The following PID1 variants were observed in gnomAD, a reference collection of about 807,000 sequenced individuals.
PID1 encodes the protein phosphotyrosine interaction domain containing 1.
In PID1, 10 loss-of-function variants were observed where a neutral mutation model predicts 19.1. The observed-to-expected ratio is 0.52, with a 90% CI of 0.32 to 0.89. PID1 has a LOEUF of 0.89. Ranked by LOEUF, PID1 falls within the 40% of genes least tolerant of loss-of-function variation. The probability of loss-of-function intolerance (pLI) is 0.03; values close to 1 mark genes in which losing one functional copy is unlikely to be tolerated. For missense variants in PID1, 248 were observed against 285.3 expected, an observed-to-expected ratio of 0.87 and a Z score of 0.94; for synonymous variants, 130 against 116.0, an observed-to-expected ratio of 1.12 and a Z score of -0.78.
chr2:229,155,200 C>T (rs1690340084), intron 2 of PID1, among the ~76,000 whole-genome samples: 1 of 152,072 alleles, frequency 6.6e-6, no homozygotes, highest in Non-Finnish European at 1.5e-5. Context: ...CAAAACTTTT[C>T]TTGTGAACTC....
chr2:229,083,823 A>C lies in PID1; in HGVS notation c.178-57715T>G, dbSNP rs559530231. On this transcript the variant is annotated intron_variant, in intron 2 of 2. Coordinates refer to ENST00000392055, the MANE Select transcript of PID1 (RefSeq NM_001100818.2). ...TATAACACCCTTGGTCACGTGCAAT[A>C]GCTCAAAACAGCCAACGCCACAAGA... Among the ~76,000 whole-genome samples the C allele has an allele frequency of 1.3e-3, 194 of 152,330 alleles. 2 individuals are homozygous for C. Among genetic ancestry groups the C allele is most frequent in the African/African-American group, 4.5e-3 (186 of 41,570 alleles).
intron 2 of PID1, among the ~76,000 whole-genome samples, chr2:229,063,182 T>A (rs562845452): frequency 1.3e-5 from 2 of 152,228 alleles, no homozygotes; most frequent in South Asian, 4.1e-4. Flanking sequence ...AGTTTGTTCT[T>A]CTTTTTCTAG....
At chr2:229,262,542 G>A in intron 1 of PID1, 8 of 1,281,100 alleles carry the variant, frequency 6.2e-6, no homozygotes, top group Non-Finnish European at 8.2e-6. Context: ...TGAAAGTTGG[G>A]GATACCTACA....
At chr2:229,223,371 T>C (rs547821826) in intron 1 of PID1, among the ~76,000 whole-genome samples, 100 of 152,266 alleles carry the variant, frequency 6.6e-4, no homozygotes, top group Non-Finnish European at 1.2e-3. Context: ...TGTTTATTCA[T>C]ATCCTTTTGT....
chr2:229,101,176 A>T (rs1695065701), intron 2 of PID1, among the ~76,000 whole-genome samples: 1 of 152,246 alleles, frequency 6.6e-6, no homozygotes, highest in Non-Finnish European at 1.5e-5. Flanking sequence ...GTGTCAGGAC[A>T]GAGTGGCAAA....
At chr2:229,047,761 C>T (rs775840892) in intron 2 of PID1, among the ~76,000 whole-genome samples, 30 of 152,222 alleles carry the variant, frequency 2.0e-4, no homozygotes, top group East Asian at 1.9e-4. Flanking sequence ...ACAGGCAGTT[C>T]GGAATCAAAG....
intron 1 of PID1, among the ~76,000 whole-genome samples, chr2:229,188,393 G>A (rs1314297260): frequency 6.6e-6 from 1 of 152,054 alleles, no homozygotes; most frequent in Non-Finnish European, 1.5e-5. Flanking sequence ...GAAAGGGGAA[G>A]AGAGTGACTG....
chr2:229,039,162 T>C (rs1167463683), intron 2 of PID1, among the ~76,000 whole-genome samples: 1 of 152,216 alleles, frequency 6.6e-6, no homozygotes, highest in Non-Finnish European at 1.5e-5. Context: ...CATTCTGTTT[T>C]GCTTGTGCTT....
chr2:229,097,345 A>T (rs1410136419), intron 2 of PID1, among the ~76,000 whole-genome samples: 1 of 152,222 alleles, frequency 6.6e-6, no homozygotes, highest in African/African-American at 2.4e-5. Context: ...ACTAGATATA[A>T]ATCAGGGTCC....
chr2:229,040,526 A>G (rs1693751618), intron 2 of PID1, among the ~76,000 whole-genome samples: 1 of 152,178 alleles, frequency 6.6e-6, no homozygotes, highest in South Asian at 2.1e-4. Flanking sequence ...AAGAAGTGAT[A>G]CTTCTTTAAC....
intron 1 of PID1, among the ~76,000 whole-genome samples, chr2:229,245,569 G>A (rs1689980223): frequency 6.6e-6 from 1 of 152,158 alleles, no homozygotes; most frequent in Non-Finnish European, 1.5e-5. Context: ...AAATTACAGT[G>A]CTGCTTACCA....
intron 1 of PID1, among the ~76,000 whole-genome samples, chr2:229,256,433 G>T (rs1328881728): frequency 2.0e-5 from 3 of 152,186 alleles, no homozygotes; most frequent in Non-Finnish European, 2.9e-5. Flanking sequence ...ACCTAAAGGA[G>T]TTCAAGTATT....
intron 1 of PID1, among the ~76,000 whole-genome samples, chr2:229,159,465 G>C (rs1213599979): frequency 6.6e-6 from 1 of 152,214 alleles, no homozygotes; most frequent in Non-Finnish European, 1.5e-5. Flanking sequence ...AAGACCTTAA[G>C]AGGCAGCCCA....
chr2:229,224,138 A>G (rs576386450), intron 1 of PID1, among the ~76,000 whole-genome samples: 1 of 152,340 alleles, frequency 6.6e-6, no homozygotes, highest in African/African-American at 2.4e-5. Context: ...GCTATGTAGT[A>G]TTCCAAGGTC....
At chr2:229,095,067 C>T (rs1694948061) in intron 2 of PID1, among the ~76,000 whole-genome samples, 1 of 152,118 alleles carries the variant, frequency 6.6e-6, no homozygotes. Context: ...AGACACGTAG[C>T]TCCTGAGTCA....
intron 1 of PID1, among the ~76,000 whole-genome samples, chr2:229,187,782 T>G (rs1036919359): frequency 6.6e-6 from 1 of 152,166 alleles, no homozygotes; most frequent in Non-Finnish European, 1.5e-5. Context: ...CCTCCTAATC[T>G]CTCCTCCACC....
intron 1 of PID1, among the ~76,000 whole-genome samples, chr2:229,254,321 A>G (rs1235734013): frequency 6.6e-6 from 1 of 152,226 alleles, no homozygotes; most frequent in East Asian, 1.9e-4. Flanking sequence ...TTCTGCTTCT[A>G]CATAAACAGT....
rs200540998 is a variant in PID1 at position 229,056,612 on chromosome 2, A to AATATATAT, written c.178-30512_178-30505dup. Among the ~76,000 whole-genome samples the AATATATAT allele has an allele frequency of 6.1e-3, 910 of 148,168 alleles. 12 individuals are homozygous for AATATATAT. Among genetic ancestry groups the AATATATAT allele is most frequent in the South Asian group, 0.015 (68 of 4,672 alleles). ...GCCCAGAATATAAATAAATAAAAAT[A>AATATATAT]ATATATATATATATATTTCTCTTTG... is the stretch of plus-strand genomic sequence containing the variant. On this transcript the variant is annotated intron_variant, in intron 2 of 2. Transcript: ENST00000392055.
At position 229,124,837 on chromosome 2, in the gene PID1, G is replaced by C. The variant is rs77779009; in HGVS notation, c.177+30981C>G. ...CCTGAATGCATTTCTACTACCTGTTGACTAACAAGTCCTTAACCAGCAAAA... is the reference window on the plus strand; with the variant it reads ...CCTGAATGCATTTCTACTACCTGTTCACTAACAAGTCCTTAACCAGCAAAA... On this transcript the variant is annotated intron_variant, in intron 2 of 2. Transcript: ENST00000392055. 1.2e-4 allele frequency among the ~76,000 whole-genome samples: 19 copies of C among 152,288 alleles called. No individual in the cohort carries two copies. The East Asian group carries it at 3.3e-3, about 26-fold the overall frequency.
Sources: gnomAD v4.1 joint callset for allele counts (sites outside exome capture counted in the v4.1 genomes callset) on GRCh38, gnomAD v4.1.1 for gene constraint, MANE v1.5 for transcripts, NCBI Gene and HGNC (gene_info 2026-07-23, HGNC 2026-07-21) for gene names.